Variants in EHBP1 observed in about 807,000 individuals in gnomAD.
The protein encoded by EHBP1 is EH domain binding protein 1.
In EHBP1, 55 loss-of-function variants were observed where a neutral mutation model predicts 144.0. The observed-to-expected ratio is 0.38, with a 90% CI of 0.31 to 0.48. The LOEUF is 0.48. EHBP1 is among the 20% of genes least tolerant of loss of function. The pLI, the probability that EHBP1 is intolerant of heterozygous loss-of-function variation, is 0.98. For synonymous variants in EHBP1, 469 were observed against 472.7 expected (o/e 0.99, Z 0.10); for missense variants, 1,200 against 1,364.2 (o/e 0.88, Z 1.90).
intron 21 of EHBP1, among the ~76,000 whole-genome samples, chr2:63,041,323 A>G (rs1049264531): frequency 5.3e-5 from 8 of 152,048 alleles, no homozygotes; most frequent in South Asian, 2.1e-4. Context: ...TACTTTTCCT[A>G]TAGTTTTTTT....
chr2:62,922,889 A>G (rs1460452657), intron 10 of EHBP1, among the ~76,000 whole-genome samples: 1 of 152,174 alleles, frequency 6.6e-6, no homozygotes, highest in Non-Finnish European at 1.5e-5. Flanking sequence ...ATTAACCCCC[A>G]TTGCCACTGC....
chr2:62,685,201 A>T (rs1460595091), intron 1 of EHBP1, among the ~76,000 whole-genome samples: 1 of 152,252 alleles, frequency 6.6e-6, no homozygotes, highest in African/African-American at 2.4e-5. Flanking sequence ...AAAGATAAAT[A>T]TTTGAGGTAA....
intron 19 of EHBP1, among the ~76,000 whole-genome samples, chr2:63,027,596 G>A (rs935795807): frequency 2.0e-5 from 3 of 152,208 alleles, no homozygotes; most frequent in Non-Finnish European, 4.4e-5. Flanking sequence ...TGTGGTTTGA[G>A]AACAAATGTG....
intron 19 of EHBP1, among the ~76,000 whole-genome samples, chr2:63,030,124 A>T (rs1263052032): frequency 6.6e-6 from 1 of 152,240 alleles, no homozygotes; most frequent in African/African-American, 2.4e-5. Flanking sequence ...TATAGATACT[A>T]TGTAATTATA....
At chr2:62,964,585 T>C (rs926910654) in intron 14 of EHBP1, among the ~76,000 whole-genome samples, 1 of 152,230 alleles carries the variant, frequency 6.6e-6, no homozygotes, top group African/African-American at 2.4e-5. Flanking sequence ...GTATTTACAG[T>C]TCCTATTGGT....
At chr2:62,903,767 AAGAAGGAGAAGGAGAAGGAGG>A (rs1189218738) in intron 10 of EHBP1, among the ~76,000 whole-genome samples, 25 of 125,508 alleles carry the variant, frequency 2.0e-4, no homozygotes, top group Admixed American at 1.9e-3. Flanking sequence ...CCCTGCCTTG[AAGAAGGAGAAGGAGAAGGAGG>A]AGAAGGAGAA....
At chr2:62,741,602 G>A (rs1156990827) in intron 2 of EHBP1, among the ~76,000 whole-genome samples, 1 of 152,072 alleles carries the variant, frequency 6.6e-6, no homozygotes, top group Non-Finnish European at 1.5e-5. Flanking sequence ...TTTTAGTGCA[G>A]TCCCTTCATT....
intron 19 of EHBP1, among the ~76,000 whole-genome samples, chr2:63,035,754 C>G (rs1186646023): frequency 6.6e-6 from 1 of 151,926 alleles, no homozygotes. Flanking sequence ...AGGCCTTCAC[C>G]AGGGTACAAT....
intron 10 of EHBP1, among the ~76,000 whole-genome samples, chr2:62,898,300 A>C (rs1407690636): frequency 2.0e-5 from 3 of 152,184 alleles, no homozygotes; most frequent in East Asian, 1.9e-4. Context: ...TTTTTATTGA[A>C]TTGTCAGGCA....
intron 14 of EHBP1, among the ~76,000 whole-genome samples, chr2:62,961,024 A>G (rs2057976737): frequency 2.0e-5 from 3 of 152,216 alleles, no homozygotes; most frequent in Admixed American, 2.0e-4. Flanking sequence ...TCACAACACT[A>G]CAAAACATTC....
At chr2:62,733,815 A>G (rs944944205) in intron 2 of EHBP1, among the ~76,000 whole-genome samples, 4 of 152,108 alleles carry the variant, frequency 2.6e-5, no homozygotes, top group African/African-American at 9.7e-5. Context: ...GGAGTTTTTA[A>G]CTCTCAGACT....
intron 14 of EHBP1, among the ~76,000 whole-genome samples, chr2:62,956,425 G>C (rs1180262036): frequency 6.6e-6 from 1 of 152,138 alleles, no homozygotes. Flanking sequence ...CTACATGCCA[G>C]GTTGGTCACC....
chr2:62,850,402 G>T (rs764916612), intron 7 of EHBP1, among the ~76,000 whole-genome samples: 1 of 151,930 alleles, frequency 6.6e-6, no homozygotes, highest in Non-Finnish European at 1.5e-5. Flanking sequence ...TGTTCAATGT[G>T]ATAATCTCTG....
intron 7 of EHBP1, among the ~76,000 whole-genome samples, chr2:62,832,885 A>G (rs2046933645): frequency 6.6e-6 from 1 of 152,198 alleles, no homozygotes; most frequent in Non-Finnish European, 1.5e-5. Context: ...TTTCCTTTAA[A>G]TAAAAAGCTA....
chr2:62,840,845 T>G lies in EHBP1; in HGVS notation c.634+9687T>G, dbSNP rs570340713. ...CATTAAAAAGTCAGGAAACAACATG[T>G]GCTGGAGAGGATGTGGAGAAATAGG... On this transcript the variant is annotated intron_variant, in intron 7 of 22. Transcript: ENST00000431489. Among the ~76,000 whole-genome samples, 193 of 152,018 alleles carry G rather than the reference T, an allele frequency of 1.3e-3. 1 individual carries two copies. The Middle Eastern group carries it at 0.021, about 16-fold the overall frequency.
intron 10 of EHBP1, among the ~76,000 whole-genome samples, chr2:62,905,551 G>A (rs1040413773): frequency 1.2e-4 from 18 of 151,794 alleles, no homozygotes; most frequent in Admixed American, 3.9e-4. Context: ...TCGGTTGGGC[G>A]CAGCAGCTCA....
chr2:62,974,591 G>C (rs1176419163), intron 14 of EHBP1, among the ~76,000 whole-genome samples: 2 of 152,020 alleles, frequency 1.3e-5, no homozygotes, highest in Non-Finnish European at 2.9e-5. Context: ...TTGTTTTCTT[G>C]CTGTGTCATT....
intron 10 of EHBP1, among the ~76,000 whole-genome samples, chr2:62,881,337 C>G (rs1182091223): frequency 6.6e-6 from 1 of 150,928 alleles, no homozygotes; most frequent in East Asian, 1.9e-4. Flanking sequence ...ACACCAGTCC[C>G]CCATGACACA....
At chr2:62,835,214 T>C (rs1210213957) in intron 7 of EHBP1, among the ~76,000 whole-genome samples, 1 of 152,180 alleles carries the variant, frequency 6.6e-6, no homozygotes, top group African/African-American at 2.4e-5. Flanking sequence ...GATTTAACTT[T>C]ATAAGCTTTG....
Sources: gnomAD v4.1 joint callset for allele counts (sites outside exome capture counted in the v4.1 genomes callset) on GRCh38, gnomAD v4.1.1 for gene constraint, MANE v1.5 for transcripts, NCBI Gene and HGNC (gene_info 2026-07-23, HGNC 2026-07-21) for gene names.